The following SFTPC variants were observed in gnomAD, a reference collection of about 807,000 sequenced individuals.
SFTPC encodes the protein BRICHOS domain containing 6.
Under a neutral mutation model 19.9 loss-of-function variants are expected in SFTPC, and 12 were observed. That is an observed-to-expected ratio of 0.60 (90% CI 0.39 to 0.98). The LOEUF is 0.98. Ranked by LOEUF, SFTPC falls within the 50% of genes least tolerant of loss-of-function variation. SFTPC has a pLI of 0.00. For missense variants in SFTPC, 219 were observed against 252.2 expected (o/e 0.87, Z 0.89); for synonymous variants, 123 against 103.3 (o/e 1.19, Z -1.16).
upstream of SFTPC, among the ~76,000 whole-genome samples, chr8:22,161,383 C>T (rs534792003): frequency 7.2e-5 from 11 of 152,262 alleles, no homozygotes; most frequent in Admixed American, 4.6e-4. Flanking sequence ...CTTCCTGGAG[C>T]GCATCCCTAT....
At chr8:22,157,904 T>TA (rs1269998149), upstream of SFTPC, among the ~76,000 whole-genome samples, 1 of 151,484 alleles carries the variant, frequency 6.6e-6, no homozygotes, top group African/African-American at 2.4e-5. Context: ...CACATGTAAA[T>TA]AAAAATGTAA....
upstream of SFTPC, chr8:22,157,406 T>G (rs1447953343): frequency 5.6e-6 from 1 of 179,080 alleles, no homozygotes; most frequent in Non-Finnish European, 1.2e-5. Flanking sequence ...GTCTAACAAA[T>G]GAGGAAACTG....
chr8:22,162,073 T>C (rs1008315719), intron 1 of SFTPC, among the ~76,000 whole-genome samples: 3 of 151,948 alleles, frequency 2.0e-5, no homozygotes, highest in Non-Finnish European at 4.4e-5. Flanking sequence ...AGAGCCACTA[T>C]AGGGGTCCGT....
At chr8:22,158,581 G>A (rs1827592164), upstream of SFTPC, 1 of 152,274 alleles carries the variant, frequency 6.6e-6, no homozygotes, top group Non-Finnish European at 1.5e-5. Context: ...TGTGTTCTTA[G>A]CTAGTGAGAG....
chr8:22,163,380 G>A (rs1827847506), intron 3 of SFTPC, 56 bp from the exon 4 acceptor site: 1 of 1,546,822 alleles, frequency 6.5e-7, no homozygotes, highest in African/African-American at 1.4e-5. Flanking sequence ...AAGGACCTGG[G>A]TCAGGGAGAG....
At chr8:22,159,421 A>C, upstream of SFTPC, 2 of 286,318 alleles carry the variant, frequency 7.0e-6, no homozygotes, top group Admixed American at 5.1e-5. Context: ...TGGTAGGGGG[A>C]GGGGGAAATT....
At chr8:22,160,852 G>C (rs909642495), upstream of SFTPC, among the ~76,000 whole-genome samples, 1 of 152,202 alleles carries the variant, frequency 6.6e-6, no homozygotes, top group Non-Finnish European at 1.5e-5. Context: ...AAAAGAGAAG[G>C]AGACAGTCCT....
chr8:22,164,267 G>GT lies in SFTPC; in HGVS notation c.*21dup. 6.5e-7 allele frequency: 1 copy of GT among 1,536,194 alleles called. No homozygotes were observed. The highest frequency in any genetic ancestry group is 2.0e-5 in the Admixed American group (1 of 51,004). ...CCTCAACATTCCTTTGCTTCACAGG[G>GT]TCAGTGGAAGCCCCAACGGGAAAGG... On this transcript the variant is annotated splice_region_variant and 3_prime_UTR_variant, in exon 6 of 6. Transcript: ENST00000679463.
chr8:22,162,928 C>A, intron 2 of SFTPC, 152 bp from the exon 3 acceptor site: 1 of 1,329,758 alleles, frequency 7.5e-7, no homozygotes, highest in Admixed American at 1.7e-5. Context: ...AGCAGGACAG[C>A]CAGCTCCCTC....
At chr8:22,159,442 A>C (rs1827628312), upstream of SFTPC, 1 of 307,590 alleles carries the variant, frequency 3.3e-6, no homozygotes, top group Non-Finnish European at 6.3e-6. Flanking sequence ...TGGCACACCC[A>C]GCTAAAGGTC....
upstream of SFTPC, among the ~76,000 whole-genome samples, chr8:22,160,291 G>A (rs1234279273): frequency 6.6e-6 from 1 of 152,182 alleles, no homozygotes; most frequent in Non-Finnish European, 1.5e-5. Flanking sequence ...GAGGGGGCTG[G>A]GGCAGGGGAC....
In SFTPC at chr8:22,164,432, C is replaced by T; in HGVS notation, c.*185C>T. 5 of 1,487,084 alleles carry T rather than the reference C, an allele frequency of 3.4e-6. No individual in the cohort carries two copies. The highest frequency in any genetic ancestry group is 1.3e-5 in the South Asian group (1 of 77,212). The allele number at this position is 1,487,084 out of a possible 1,614,324, so 92.1% of individuals were successfully genotyped here. On this transcript the variant is annotated 3_prime_UTR_variant, in exon 6 of 6. Transcript: ENST00000679463. ...TGGGCAGAGGTGGCGCCCAGGGGCC[C>T]GGGAACTCCTGCCACAACAGAATAA...
chr8:22,158,909 G>A (rs1346416842), upstream of SFTPC: 1 of 152,270 alleles, frequency 6.6e-6, no homozygotes, highest in Non-Finnish European at 1.5e-5. Context: ...AAGCCCGCAG[G>A]AAGCGTGCTC....
chr8:22,158,496 A>G (rs2131803722), upstream of SFTPC: 1 of 152,352 alleles, frequency 6.6e-6, no homozygotes, highest in South Asian at 2.1e-4. Flanking sequence ...AGGGGTGGCC[A>G]CCGTGGGGCT....
upstream of SFTPC, among the ~76,000 whole-genome samples, chr8:22,158,113 CT>C (rs1399684360): frequency 6.6e-6 from 1 of 152,214 alleles, no homozygotes; most frequent in African/African-American, 2.4e-5. Context: ...TGGCTGTCAG[CT>C]GCCTGGGCTT....
In SFTPC at chr8:22,163,531, A is replaced by G; in HGVS notation, c.420A>G (p.Lys140=). Residue 140 remains lysine (K), a synonymous_variant, in exon 4 of 6, where the codon AAA becomes AAG. Transcript: ENST00000679463. ...CCAGTCTTGAGGCTCTCACTAGAAA[A>G]GTCCACAACTTCCAGGTGTGTGTGT... is the stretch of plus-strand genomic sequence containing the variant. ...SIPSLEALTR[K]VHNFQAKPAV... is the part of the protein sequence containing the mutation. The G allele has an allele frequency of 6.2e-7, 1 of 1,611,786 alleles. No individual in the cohort carries two copies. The highest frequency in any genetic ancestry group is 8.5e-7 in the Non-Finnish European group (1 of 1,178,078).
chr8:22,163,345 G>C, intron 3 of SFTPC, 91 bp from the exon 4 acceptor site: 1 of 1,498,888 alleles, frequency 6.7e-7, no homozygotes. Context: ...TATGACTCCC[G>C]TGCCCAACCT....
chr8:22,159,962 G>A (rs913918169), upstream of SFTPC: 2 of 662,750 alleles, frequency 3.0e-6, no homozygotes, highest in Non-Finnish European at 2.3e-6. Context: ...TCCCACATCT[G>A]GCACCTGCAC....
chr8:22,160,683 C>T (rs1383479232), upstream of SFTPC, among the ~76,000 whole-genome samples: 1 of 152,174 alleles, frequency 6.6e-6, no homozygotes, highest in East Asian at 1.9e-4. Context: ...GACTCTGCCA[C>T]AGTCACCTGA....
Sources: allele counts gnomAD v4.1 joint callset (sites outside exome capture counted in the v4.1 genomes callset), GRCh38; gene constraint gnomAD v4.1.1; transcripts MANE v1.5; gene names NCBI Gene and HGNC (gene_info 2026-07-23, HGNC 2026-07-21).